DLC1: variants seen among roughly 807,000 people sequenced by gnomAD.
The protein encoded by DLC1 is rho GTPase-activating protein 7.
A neutral mutation model predicts 140.3 loss-of-function variants in DLC1; 54 were observed. That is an observed-to-expected ratio of 0.38 (90% CI 0.31 to 0.48). The LOEUF (loss-of-function observed/expected upper bound fraction) is 0.48, where lower values mean the gene tolerates loss of function less well. Among genes scored for constraint, DLC1 ranks in the 20% least tolerant of loss-of-function variants. The pLI is 0.96. For synonymous variants in DLC1, 986 were observed against 728.1 expected (o/e 1.35, Z -5.70); for missense variants, 2,536 against 1,907.0 (o/e 1.33, Z -6.14).
intron 1 of DLC1, among the ~76,000 whole-genome samples, chr8:13,575,964 T>A (rs1804822177): frequency 6.6e-6 from 1 of 152,274 alleles, no homozygotes; most frequent in Middle Eastern, 3.4e-3. Context: ...AAGGAGCAAA[T>A]CTTGGATAAC....
At chr8:13,313,283 C>T (rs1196063619) in intron 4 of DLC1, among the ~76,000 whole-genome samples, 2 of 152,194 alleles carry the variant, frequency 1.3e-5, no homozygotes, top group Admixed American at 6.5e-5. Flanking sequence ...TCACTACCTA[C>T]ACAGTCTTTT....
intron 2 of DLC1, among the ~76,000 whole-genome samples, chr8:13,425,210 G>T (rs758181217): frequency 2.6e-5 from 4 of 151,934 alleles, no homozygotes; most frequent in African/African-American, 7.3e-5. Context: ...CAAACTCTTC[G>T]GCTCCTCTTG....
At chr8:13,531,319 C>A (rs201760663) in intron 1 of DLC1, among the ~76,000 whole-genome samples, 2 of 152,204 alleles carry the variant, frequency 1.3e-5, no homozygotes, top group East Asian at 3.9e-4. Flanking sequence ...GGCACGGTGG[C>A]TCATGCCTGT....
chr8:13,164,818 G>A (rs1255863519), intron 5 of DLC1, among the ~76,000 whole-genome samples: 1 of 152,182 alleles, frequency 6.6e-6, no homozygotes, highest in Non-Finnish European at 1.5e-5. Flanking sequence ...GTCAGCTCTG[G>A]CAATTCAGTG....
At chr8:13,349,169 G>C (rs1176496657) in intron 4 of DLC1, among the ~76,000 whole-genome samples, 1 of 152,080 alleles carries the variant, frequency 6.6e-6, no homozygotes, top group African/African-American at 2.4e-5. Context: ...GGCAGGATGA[G>C]GTGCAATGGG....
chr8:13,497,948 T>C (rs1302636120), intron 2 of DLC1, among the ~76,000 whole-genome samples: 1 of 152,210 alleles, frequency 6.6e-6, no homozygotes, highest in Non-Finnish European at 1.5e-5. Flanking sequence ...CTGATCTAGT[T>C]TGTAAGCAAA....
chr8:13,147,047 T>C (rs956574843), intron 5 of DLC1, among the ~76,000 whole-genome samples: 37 of 152,224 alleles, frequency 2.4e-4, no homozygotes, highest in African/African-American at 8.4e-4. Flanking sequence ...ACAATGTATA[T>C]ATATTTTTCT....
chr8:13,295,068 GA>G (rs1831896438), intron 5 of DLC1, among the ~76,000 whole-genome samples: 1 of 152,146 alleles, frequency 6.6e-6, no homozygotes, highest in Non-Finnish European at 1.5e-5. Flanking sequence ...TGCCTTTTAG[GA>G]AACCACAGCT....
intron 5 of DLC1, among the ~76,000 whole-genome samples, chr8:13,119,414 T>G (rs1003350123): frequency 6.6e-6 from 1 of 152,060 alleles, no homozygotes; most frequent in Non-Finnish European, 1.5e-5. Flanking sequence ...AGATGAAATT[T>G]CACTCATCCT....
At chr8:13,124,461 A>C (rs1459926375) in intron 5 of DLC1, among the ~76,000 whole-genome samples, 1 of 152,224 alleles carries the variant, frequency 6.6e-6, no homozygotes, top group East Asian at 1.9e-4. Flanking sequence ...GCAGAAAGGA[A>C]GTTATCTCAT....
intron 5 of DLC1, chr8:13,276,293 A>C: frequency 6.5e-7 from 1 of 1,535,352 alleles, no homozygotes; most frequent in Non-Finnish European, 8.7e-7. Flanking sequence ...TGTTTTTCCA[A>C]ATGACATCCA....
Position 13,091,100 on chromosome 8 carries a change from G to T in DLC1, c.3855+218C>A, listed in dbSNP as rs376422042. ...TAGAATTACAGGCGTGAGCCACTGC[G>T]CCCGGCTGCTTTTCCAAGTAAAGGG... is the stretch of plus-strand genomic sequence containing the variant. On this transcript the variant is annotated intron_variant, in intron 14 of 17. Transcript: ENST00000276297. Among the ~76,000 whole-genome samples the T allele has an allele frequency of 4.6e-5, 7 of 152,184 alleles. No individual in the cohort carries two copies. In the South Asian group the frequency reaches 6.2e-4, roughly 14 times the overall value.
In DLC1 at chr8:13,182,483, G is replaced by C. The variant is rs572440785; in HGVS notation, c.1349-66826C>G. On this transcript the variant is annotated intron_variant, in intron 5 of 17. Coordinates refer to ENST00000276297, the MANE Select transcript of DLC1 (RefSeq NM_182643.3). The stretch of plus-strand genomic sequence containing the variant: ...AACATTCAAACTTTTAATTCACCTT[G>C]AATTAATTTTTGTACAAGGTGTAAG... Among the ~76,000 whole-genome samples the C allele has an allele frequency of 3.9e-5, 6 of 152,168 alleles. No individual in the cohort carries two copies. The South Asian group carries it at 1.2e-3, about 32-fold the overall frequency.
At chr8:13,275,586 G>C (rs972146847) in intron 5 of DLC1, among the ~76,000 whole-genome samples, 1 of 129,796 alleles carries the variant, frequency 7.7e-6, no homozygotes, top group African/African-American at 2.6e-5. Flanking sequence ...GCAAAAATCG[G>C]ACAGAAGTCC....
chr8:13,312,769 A>G (rs1028861785), intron 4 of DLC1, among the ~76,000 whole-genome samples: 7 of 152,074 alleles, frequency 4.6e-5, no homozygotes, highest in African/African-American at 1.7e-4. Flanking sequence ...CTGTATGATG[A>G]TTTGCCTGTG....
intron 1 of DLC1, among the ~76,000 whole-genome samples, chr8:13,602,762 A>G (rs976662037): frequency 5.3e-5 from 8 of 152,000 alleles, no homozygotes; most frequent in Admixed American, 4.6e-4. Flanking sequence ...TTTTTTTCAA[A>G]ATCATATTTC....
chr8:13,327,467 C>T (rs1833411700), intron 4 of DLC1, among the ~76,000 whole-genome samples: 1 of 145,352 alleles, frequency 6.9e-6, no homozygotes. Context: ...TTTTTTATTT[C>T]TGGCATTTTT....
chr8:13,114,859 G>A (rs1349623882), intron 6 of DLC1, among the ~76,000 whole-genome samples: 1 of 152,188 alleles, frequency 6.6e-6, no homozygotes, highest in African/African-American at 2.4e-5. Flanking sequence ...CAAGCGTTGA[G>A]GGAATGTGGA....
At chr8:13,314,888 A>ATTGTAG (rs1474201286) in intron 4 of DLC1, among the ~76,000 whole-genome samples, 21 of 152,218 alleles carry the variant, frequency 1.4e-4, no homozygotes, top group African/African-American at 3.9e-4. Context: ...GGAGATATTC[A>ATTGTAG]TTGTAGTGGT....
Sources: allele counts gnomAD v4.1 joint callset (sites outside exome capture counted in the v4.1 genomes callset), GRCh38; gene constraint gnomAD v4.1.1; transcripts MANE v1.5; gene names NCBI Gene and HGNC (gene_info 2026-07-23, HGNC 2026-07-21).